Variants in RABL3 observed in about 807,000 individuals in gnomAD.
RABL3 encodes the protein rab-like protein 3.
Under a neutral mutation model 31.8 loss-of-function variants are expected in RABL3, and 31 were observed. That is an observed-to-expected ratio of 0.97 (90% CI 0.73 to 1.31). The LOEUF (loss-of-function observed/expected upper bound fraction) is 1.31, where lower values mean the gene tolerates loss of function less well. Among genes scored for constraint, RABL3 ranks in the 40% most tolerant of loss-of-function variants. The pLI is 0.00. For missense variants in RABL3, 263 were observed against 279.6 expected (o/e 0.94, Z 0.42); for synonymous variants, 97 against 99.9 (o/e 0.97, Z 0.18).
Position 120,694,207 on chromosome 3 carries a change from C to A in RABL3, c.552G>T (p.Arg184=), listed in dbSNP as rs1708410883. ...CATTGGAAGAACCTGCAGCTAAGTACCGTGGATTTGTGCAGTCCTAGAAGA... is the reference window on the plus strand; with the variant it reads ...CATTGGAAGAACCTGCAGCTAAGTAACGTGGATTTGTGCAGTCCTAGAAGA... ...EEINLDCTNP[R]YLAAGSSNAV... The change falls in exon 6 of 8, where the codon CGG becomes CGT. Residue 184 remains arginine (R), a synonymous_variant. Transcript: ENST00000273375. The A allele has an allele frequency of 6.2e-7, 1 of 1,610,970 alleles. No individual in the cohort carries two copies. The highest frequency in any genetic ancestry group is 8.5e-7 in the Non-Finnish European group (1 of 1,177,620).
At chr3:120,720,997 C>T (rs1708733291) in intron 2 of RABL3, among the ~76,000 whole-genome samples, 1 of 152,254 alleles carries the variant, frequency 6.6e-6, no homozygotes, top group African/African-American at 2.4e-5. Flanking sequence ...TTGGCAGAAA[C>T]TCTACAAGCC....
intron 2 of RABL3, among the ~76,000 whole-genome samples, chr3:120,715,590 G>A (rs926617398): frequency 5.9e-5 from 9 of 151,836 alleles, no homozygotes; most frequent in Non-Finnish European, 8.8e-5. Flanking sequence ...TGTCCAATAC[G>A]GTAACCATTA....
At chr3:120,704,365 A>G (rs1708525416) in intron 4 of RABL3, among the ~76,000 whole-genome samples, 1 of 152,244 alleles carries the variant, frequency 6.6e-6, no homozygotes, top group Non-Finnish European at 1.5e-5. Context: ...AGAATTCAGT[A>G]TCTGTTCATG....
chr3:120,700,376 G>A (rs1179842607), intron 4 of RABL3, among the ~76,000 whole-genome samples: 1 of 151,946 alleles, frequency 6.6e-6, no homozygotes, highest in African/African-American at 2.4e-5. Flanking sequence ...AGACAATACA[G>A]GGAGACAATC....
chr3:120,720,416 C>G lies in RABL3; in HGVS notation c.138+10280G>C, dbSNP rs569507766. 5.3e-5 allele frequency among the ~76,000 whole-genome samples: 8 copies of G among 152,176 alleles called. No individual in the cohort carries two copies. In the South Asian group the frequency reaches 1.2e-3, roughly 24 times the overall value. ...TAAAGGAGGAAGTTCGAACCCAAGG[C>G]AAAGAAGTTAAAAACCTTGGAAAAA... is the stretch of plus-strand genomic sequence containing the variant. On this transcript the variant is annotated intron_variant, in intron 2 of 7. Coordinates refer to ENST00000273375, the MANE Select transcript of RABL3 (RefSeq NM_173825.5).
In RABL3 at chr3:120,687,210, T is replaced by C. The variant is rs879616863; in HGVS notation, c.*2613A>G. The stretch of plus-strand genomic sequence containing the variant: ...GTCACCTTCACAATGAGTCAGAAAA[T>C]TGGTCAGACACCGAAATCACAACAG... On this transcript the variant is annotated 3_prime_UTR_variant, in exon 8 of 8. Transcript: ENST00000273375. 1.3e-5 allele frequency: 2 copies of C among 152,082 alleles called. No homozygotes were observed. The highest frequency in any genetic ancestry group is 4.8e-5 in the African/African-American group (2 of 41,380). The allele number at this position is 152,082 out of a possible 1,614,324, so 9.4% of individuals were successfully genotyped here.
intron 1 of RABL3, among the ~76,000 whole-genome samples, chr3:120,740,953 G>T (rs80221669): frequency 1.3e-5 from 2 of 152,124 alleles, no homozygotes; most frequent in African/African-American, 2.4e-5. Flanking sequence ...GTTATATGAC[G>T]CATTAATTCC....
rs1012901592 is a variant in RABL3 at position 120,687,463 on chromosome 3, A to C, written c.*2360T>G. On this transcript the variant is annotated 3_prime_UTR_variant, in exon 8 of 8. Coordinates refer to ENST00000273375, the MANE Select transcript of RABL3 (RefSeq NM_173825.5). ...ACCTGGCCAATTATACTTTTAAAAA[A>C]ATATTTTGACATTTATACTTGTTTA... 3 of 152,164 alleles carry C rather than the reference A, an allele frequency of 2.0e-5. No homozygotes were observed. Among genetic ancestry groups the C allele is most frequent in the African/African-American group, 7.2e-5 (3 of 41,442 alleles). The allele number at this position is 152,164 out of a possible 1,614,324, so 9.4% of individuals were successfully genotyped here.
At chr3:120,706,921 G>A (rs1207895854) in intron 3 of RABL3, among the ~76,000 whole-genome samples, 1 of 152,044 alleles carries the variant, frequency 6.6e-6, no homozygotes, top group African/African-American at 2.4e-5. Flanking sequence ...TAAAATCCTA[G>A]ATAGAAAGGA....
chr3:120,737,943 G>T (rs1284148210), intron 1 of RABL3, among the ~76,000 whole-genome samples: 1 of 152,214 alleles, frequency 6.6e-6, no homozygotes, highest in East Asian at 1.9e-4. Flanking sequence ...CCCTACTGGA[G>T]GGTGCCTCCC....
rs1364303161 is a variant in RABL3, at chr3:120,686,628, T to C, written c.*3195A>G. ...AGCACTGTAGCGGAGAAGAGCTTTCTTTCTTCACCCATCACTAGGTTCACA... is the reference window on the plus strand; with the variant it reads ...AGCACTGTAGCGGAGAAGAGCTTTCCTTCTTCACCCATCACTAGGTTCACA... On this transcript the variant is annotated 3_prime_UTR_variant, in exon 8 of 8. Coordinates refer to ENST00000273375, the MANE Select transcript of RABL3 (RefSeq NM_173825.5). 6.6e-6 allele frequency: 1 copy of C among 152,208 alleles called. No individual in the cohort carries two copies. The allele number at this position is 152,208 out of a possible 1,614,324, so 9.4% of individuals were successfully genotyped here. A position where few individuals can be genotyped will look rare whatever the true frequency, so the allele number is the denominator to read the frequency against.
intron 1 of RABL3, among the ~76,000 whole-genome samples, chr3:120,740,329 C>T (rs1709025948): frequency 6.6e-6 from 1 of 152,138 alleles, no homozygotes; most frequent in African/African-American, 2.4e-5. Flanking sequence ...TGGCACGATC[C>T]TAGCTCACTG....
chr3:120,713,415 A>G, intron 2 of RABL3, among the ~76,000 whole-genome samples: 1 of 152,246 alleles, frequency 6.6e-6, no homozygotes, highest in Admixed American at 6.5e-5. Context: ...CATCTTTCAC[A>G]TGTGTGAGTA....
At chr3:120,708,673 C>A (rs1244178330) in intron 3 of RABL3, among the ~76,000 whole-genome samples, 1 of 151,908 alleles carries the variant, frequency 6.6e-6, no homozygotes, top group Non-Finnish European at 1.5e-5. Flanking sequence ...TATTTATATG[C>A]ATTCTATTCA....
intron 6 of RABL3, among the ~76,000 whole-genome samples, chr3:120,692,347 C>T (rs997264670): frequency 2.6e-5 from 4 of 152,024 alleles, no homozygotes; most frequent in Non-Finnish European, 4.4e-5. Context: ...TACAGGCGCC[C>T]GCCACCACAC....
At chr3:120,720,852 T>G (rs540699666) in intron 2 of RABL3, among the ~76,000 whole-genome samples, 1 of 152,190 alleles carries the variant, frequency 6.6e-6, no homozygotes, top group East Asian at 1.9e-4. Flanking sequence ...AAGAGACTCC[T>G]CGAGAAGAGC....
intron 1 of RABL3, among the ~76,000 whole-genome samples, chr3:120,741,386 C>T (rs147282676): frequency 6.4e-4 from 97 of 152,272 alleles, no homozygotes; most frequent in Non-Finnish European, 1.1e-3. Flanking sequence ...CATTCTTAAC[C>T]TATATTTGCT....
At chr3:120,742,565 T>C, upstream of RABL3, 1 of 1,573,310 alleles carries the variant, frequency 6.4e-7, no homozygotes, top group Admixed American at 1.7e-5. Flanking sequence ...CAATCAGAGT[T>C]GGGCATGGAG....
At chr3:120,738,102 A>AG (rs1316544160) in intron 1 of RABL3, among the ~76,000 whole-genome samples, 2 of 152,186 alleles carry the variant, frequency 1.3e-5, no homozygotes, top group Non-Finnish European at 2.9e-5. Context: ...CTGCCCTCCG[A>AG]GGTGGAGTCT....
Sources: gnomAD v4.1 joint callset for allele counts (sites outside exome capture counted in the v4.1 genomes callset) on GRCh38, gnomAD v4.1.1 for gene constraint, MANE v1.5 for transcripts, NCBI Gene and HGNC (gene_info 2026-07-23, HGNC 2026-07-21) for gene names.